The following EPB41L2 variants were observed in gnomAD, a reference collection of about 807,000 sequenced individuals.
The protein encoded by EPB41L2 is band 4.1-like protein 2.
Under a neutral mutation model 113.0 loss-of-function variants are expected in EPB41L2, and 43 were observed. The ratio of observed to expected loss-of-function variants is 0.38; its 90% CI spans 0.30 to 0.49. The LOEUF is 0.49. Ranked by LOEUF, EPB41L2 falls within the 20% of genes least tolerant of loss-of-function variation. The pLI is 0.95. For missense variants in EPB41L2, 1,147 were observed against 1,223.4 expected (o/e 0.94, Z 0.93); for synonymous variants, 442 against 436.7 (o/e 1.01, Z -0.15).
At chr6:131,056,869 A>G (rs1294610472) in intron 1 of EPB41L2, among the ~76,000 whole-genome samples, 1 of 152,210 alleles carries the variant, frequency 6.6e-6, no homozygotes, top group Non-Finnish European at 1.5e-5. Flanking sequence ...ATTCCATCAA[A>G]GAAATTTGTA....
intron 1 of EPB41L2, among the ~76,000 whole-genome samples, chr6:131,013,950 G>A (rs984024865): frequency 6.6e-6 from 1 of 151,700 alleles, no homozygotes; most frequent in South Asian, 2.1e-4. Context: ...TATCCAAATC[G>A]TCCAGGATGC....
intron 1 of EPB41L2, among the ~76,000 whole-genome samples, chr6:130,999,529 T>G (rs941576994): frequency 6.6e-6 from 1 of 152,220 alleles, no homozygotes; most frequent in African/African-American, 2.4e-5. Context: ...GTAAGAAATC[T>G]CATGTCGTCT....
chr6:130,913,678 T>C (rs2128521758), intron 4 of EPB41L2, among the ~76,000 whole-genome samples: 1 of 152,046 alleles, frequency 6.6e-6, no homozygotes, highest in South Asian at 2.1e-4. Flanking sequence ...AGTACTTAGA[T>C]GGTAAGTGGG....
At chr6:130,936,994 C>T (rs528203402) in intron 3 of EPB41L2, among the ~76,000 whole-genome samples, 19 of 152,316 alleles carry the variant, frequency 1.2e-4, no homozygotes, top group Non-Finnish European at 2.4e-4. Context: ...GTTTTAGGTT[C>T]GCAGCAAAAT....
At chr6:130,899,446 G>A (rs184273436) in intron 8 of EPB41L2, 45 bp downstream of exon 8, 17 of 1,531,216 alleles carry the variant, frequency 1.1e-5, no homozygotes, top group Non-Finnish European at 1.4e-5. Context: ...CAAAACCTCA[G>A]TCAACAGACT....
At chr6:131,015,410 G>A (rs752924881) in intron 1 of EPB41L2, 5 of 152,118 alleles carry the variant, frequency 3.3e-5, no homozygotes, top group Admixed American at 6.5e-5. Flanking sequence ...AATAACTTTC[G>A]AATAAGTAAA....
chr6:131,027,995 TA>T (rs941318825), intron 1 of EPB41L2, among the ~76,000 whole-genome samples: 3 of 152,164 alleles, frequency 2.0e-5, no homozygotes, highest in Non-Finnish European at 4.4e-5. Context: ...CAAATACCAG[TA>T]AACAGAAAGC....
intron 18 of EPB41L2, among the ~76,000 whole-genome samples, chr6:130,861,644 T>G (rs9388861): frequency 0.33 from 49,643 of 151,252 alleles, 8,776 homozygotes; most frequent in East Asian, 0.45. Context: ...TGCCGAGGAG[T>G]GTGGATAACC....
chr6:130,854,439 T>C (rs2128416036), intron 19 of EPB41L2, among the ~76,000 whole-genome samples: 1 of 152,304 alleles, frequency 6.6e-6, no homozygotes, highest in Non-Finnish European at 1.5e-5. Flanking sequence ...TCATAAAAGT[T>C]AGCCTCTGAG....
At chr6:131,000,458 G>C (rs762470230) in intron 1 of EPB41L2, among the ~76,000 whole-genome samples, 2 of 152,076 alleles carry the variant, frequency 1.3e-5, no homozygotes, top group African/African-American at 4.8e-5. Flanking sequence ...TCTGACCAAC[G>C]CAACTACCAA....
intron 1 of EPB41L2, among the ~76,000 whole-genome samples, chr6:131,001,428 T>C (rs1026784968): frequency 2.6e-5 from 4 of 152,250 alleles, no homozygotes; most frequent in African/African-American, 9.6e-5. Flanking sequence ...GGTACAACAC[T>C]AGAGAACAAG....
chr6:131,018,929 C>G (rs1788855911), intron 1 of EPB41L2, among the ~76,000 whole-genome samples: 1 of 152,186 alleles, frequency 6.6e-6, no homozygotes, highest in Admixed American at 6.5e-5. Context: ...ACAATAGTTT[C>G]AACAGCCTTG....
chr6:130,904,592 A>C (rs762474155), intron 5 of EPB41L2, 52 bp from the exon 6 acceptor site: 2 of 1,244,798 alleles, frequency 1.6e-6, no homozygotes, highest in South Asian at 2.9e-5. Flanking sequence ...AAGAATGACT[A>C]TTGTGATAAA....
intron 1 of EPB41L2, among the ~76,000 whole-genome samples, chr6:131,035,097 A>T (rs1037754338): frequency 7.9e-5 from 12 of 152,160 alleles, no homozygotes; most frequent in African/African-American, 2.9e-4. Context: ...TCAAGATCCT[A>T]CCTAAGAAAA....
chr6:130,904,406 CACAAAAATAAACGAGAGCTG>C (rs1465877685), intron 6 of EPB41L2, 39 bp downstream of exon 6: 1 of 1,223,562 alleles, frequency 8.2e-7, no homozygotes, highest in East Asian at 2.5e-5. Context: ...GCTCCCAGGG[CACAAAAATAAACGAGAGCTG>C]TAAGGAAAGG....
chr6:130,964,795 A>T (rs532950737), intron 1 of EPB41L2, among the ~76,000 whole-genome samples: 2 of 152,262 alleles, frequency 1.3e-5, no homozygotes, highest in East Asian at 3.9e-4. Context: ...TCTAGGAAGG[A>T]ACTGAAATTA....
chr6:130,927,554 T>C (rs1489954689), intron 3 of EPB41L2, among the ~76,000 whole-genome samples: 7 of 152,130 alleles, frequency 4.6e-5, no homozygotes, highest in Admixed American at 4.6e-4. Flanking sequence ...AATGCACTGC[T>C]AGTGAAAAAG....
chr6:131,033,892 T>TG (rs1792754528), intron 1 of EPB41L2, among the ~76,000 whole-genome samples: 1 of 152,240 alleles, frequency 6.6e-6, no homozygotes, highest in South Asian at 2.1e-4. Context: ...GTGAACATAC[T>TG]TCATGCTTCT....
chr6:130,871,571 A>G (rs73632239), intron 14 of EPB41L2, among the ~76,000 whole-genome samples: 6,567 of 152,248 alleles, frequency 0.043, 476 homozygotes, highest in African/African-American at 0.14. Context: ...ACGTCTCTGC[A>G]GCACTGTCAA....
Sources: allele counts gnomAD v4.1 joint callset (sites outside exome capture counted in the v4.1 genomes callset), GRCh38; gene constraint gnomAD v4.1.1; transcripts MANE v1.5; gene names NCBI Gene and HGNC (gene_info 2026-07-23, HGNC 2026-07-21).